Variants in CSMD3 observed in about 807,000 individuals in gnomAD.
The protein encoded by CSMD3 is CUB and sushi domain-containing protein 3.
In CSMD3, 177 loss-of-function variants were observed where a neutral mutation model predicts 435.2. The ratio of observed to expected loss-of-function variants is 0.41; its 90% CI spans 0.36 to 0.46. The LOEUF is 0.46. Among genes scored for constraint, CSMD3 ranks in the 20% least tolerant of loss-of-function variants. The pLI is 0.34. For missense variants in CSMD3, 4,265 were observed against 4,504.6 expected, an observed-to-expected ratio of 0.95 and a Z score of 1.52; for synonymous variants, 1,656 against 1,520.5, an observed-to-expected ratio of 1.09 and a Z score of -2.07.
chr8:112,954,610 CACAT>C (rs1046086103), intron 8 of CSMD3, 70 bp downstream of exon 8: 46 of 888,214 alleles, frequency 5.2e-5, no homozygotes, highest in Non-Finnish European at 7.3e-5. Context: ...TTTGGTAAAA[CACAT>C]ACAAACAACA....
At chr8:112,637,128 T>C (rs552647285) in intron 21 of CSMD3, 123 bp from the exon 22 acceptor site, 5 of 745,566 alleles carry the variant, frequency 6.7e-6, no homozygotes, top group Admixed American at 2.0e-5. Flanking sequence ...GAAGGGACTA[T>C]ATGAATAGCT....
chr8:113,083,743 G>A (rs1488446384), intron 5 of CSMD3, among the ~76,000 whole-genome samples: 7 of 152,026 alleles, frequency 4.6e-5, no homozygotes, highest in African/African-American at 1.7e-4. Flanking sequence ...AAAGGTAGAG[G>A]GAGGATCACT....
intron 13 of CSMD3, among the ~76,000 whole-genome samples, chr8:112,723,045 A>G (rs546725552): frequency 6.6e-6 from 1 of 152,126 alleles, no homozygotes; most frequent in Admixed American, 6.6e-5. Context: ...TAGCAAAAAA[A>G]AAAAAACCTG....
chr8:112,656,326 C>T lies in CSMD3; in HGVS notation c.2832G>A (p.Leu944=). The change falls in exon 18 of 71, where the codon CTG becomes CTA. Residue 944 remains leucine, a synonymous_variant. Coordinates refer to ENST00000297405, the MANE Select transcript of CSMD3 (RefSeq NM_198123.2). ...KITFERFQTE[L]NYDVLEVHDG... is the part of the protein sequence containing the mutation. Reference sequence around the variant, plus strand: ...CATGAACTTCCAGAACATCATAATTCAGTTCAGTCTGAAATCTAAGATTAA... The same window carrying T: ...CATGAACTTCCAGAACATCATAATTTAGTTCAGTCTGAAATCTAAGATTAA... 6.2e-7 allele frequency: 1 copy of T among 1,612,340 alleles called. No homozygotes were observed. Among genetic ancestry groups the T allele is most frequent in the Non-Finnish European group, 8.5e-7 (1 of 1,178,722 alleles).
At chr8:112,532,605 A>C (rs950221996) in intron 27 of CSMD3, among the ~76,000 whole-genome samples, 1 of 152,164 alleles carries the variant, frequency 6.6e-6, no homozygotes. Flanking sequence ...AGTGAGAAAA[A>C]CTGCCTTTCA....
At chr8:112,551,775 T>C (rs1344918103) in intron 26 of CSMD3, among the ~76,000 whole-genome samples, 1 of 152,114 alleles carries the variant, frequency 6.6e-6, no homozygotes, top group Non-Finnish European at 1.5e-5. Context: ...GTATACCACC[T>C]AGAAGCCTGT....
At chr8:112,622,169 T>A (rs556512667) in intron 22 of CSMD3, among the ~76,000 whole-genome samples, 1 of 152,196 alleles carries the variant, frequency 6.6e-6, no homozygotes, top group Admixed American at 6.6e-5. Flanking sequence ...TTTCTGCATA[T>A]AACTTAAACA....
At chr8:112,938,888 A>G (rs562016917) in intron 9 of CSMD3, among the ~76,000 whole-genome samples, 3 of 152,264 alleles carry the variant, frequency 2.0e-5, no homozygotes, top group African/African-American at 7.2e-5. Flanking sequence ...TATTACTGCT[A>G]AGTATAGGAA....
At chr8:112,531,534 C>T (rs959326420) in intron 27 of CSMD3, among the ~76,000 whole-genome samples, 3 of 151,936 alleles carry the variant, frequency 2.0e-5, no homozygotes, top group South Asian at 4.1e-4. Context: ...GGTAAAGAGA[C>T]GAAAGTGAGT....
intron 2 of CSMD3, among the ~76,000 whole-genome samples, chr8:113,290,330 T>C (rs1563657662): frequency 6.6e-6 from 1 of 151,722 alleles, no homozygotes; most frequent in Admixed American, 6.6e-5. Context: ...TAGTTTCATC[T>C]AGACATTGTA....
chr8:113,122,221 T>C (rs1309315128), intron 4 of CSMD3, among the ~76,000 whole-genome samples: 1 of 152,116 alleles, frequency 6.6e-6, no homozygotes, highest in African/African-American at 2.4e-5. Context: ...TATTTTACTT[T>C]TATTGTTTAT....
At chr8:112,676,552 T>A (rs1220614040) in intron 16 of CSMD3, among the ~76,000 whole-genome samples, 1 of 152,120 alleles carries the variant, frequency 6.6e-6, no homozygotes, top group Admixed American at 6.6e-5. Flanking sequence ...GAATTTCAGA[T>A]TCTATAACAA....
chr8:113,271,106 G>A (rs2093521770), intron 3 of CSMD3, among the ~76,000 whole-genome samples: 1 of 152,072 alleles, frequency 6.6e-6, no homozygotes, highest in Non-Finnish European at 1.5e-5. Context: ...CATCCAAGAG[G>A]TGGCTTGGGT....
chr8:113,370,052 G>A (rs935533275), intron 1 of CSMD3, among the ~76,000 whole-genome samples: 15 of 151,596 alleles, frequency 9.9e-5, no homozygotes, highest in African/African-American at 3.4e-4. Context: ...GCTAAAGAGA[G>A]TAAATGTTCT....
intron 6 of CSMD3, among the ~76,000 whole-genome samples, chr8:113,002,253 AT>A (rs1401962491): frequency 6.6e-6 from 1 of 152,126 alleles, no homozygotes; most frequent in African/African-American, 2.4e-5. Flanking sequence ...CAAGCTTTGA[AT>A]TTAGGTGTCC....
intron 11 of CSMD3, among the ~76,000 whole-genome samples, chr8:112,832,755 G>A (rs2079912209): frequency 1.3e-5 from 2 of 152,104 alleles, no homozygotes; most frequent in Non-Finnish European, 1.5e-5. Context: ...TCCATGCCCA[G>A]ACTCCTTTCC....
intron 61 of CSMD3, among the ~76,000 whole-genome samples, chr8:112,257,039 C>A (rs548351957): frequency 1.3e-5 from 2 of 152,126 alleles, no homozygotes; most frequent in Admixed American, 6.5e-5. Flanking sequence ...CAAGACTACA[C>A]GATAAACTTG....
At chr8:112,430,892 G>GTA (rs965195179) in intron 32 of CSMD3, among the ~76,000 whole-genome samples, 2 of 97,362 alleles carry the variant, frequency 2.1e-5, no homozygotes, top group African/African-American at 8.0e-5. Context: ...GTGTTTGTGT[G>GTA]TATATGTGTG....
chr8:112,877,839 T>C (rs2081331803), intron 10 of CSMD3, among the ~76,000 whole-genome samples: 1 of 152,110 alleles, frequency 6.6e-6, no homozygotes, highest in Non-Finnish European at 1.5e-5. Context: ...ATTTAATAAA[T>C]GGTGTTGGGG....
Sources: gnomAD v4.1 joint callset for allele counts (sites outside exome capture counted in the v4.1 genomes callset) on GRCh38, gnomAD v4.1.1 for gene constraint, MANE v1.5 for transcripts, NCBI Gene and HGNC (gene_info 2026-07-23, HGNC 2026-07-21) for gene names.